Variants in GOLGA4 observed in about 807,000 individuals in gnomAD.
GOLGA4 encodes golgin subfamily A member 4.
Under a neutral mutation model 265.9 loss-of-function variants are expected in GOLGA4, and 169 were observed. That is an observed-to-expected ratio of 0.64 (90% CI 0.56 to 0.72). GOLGA4 has a LOEUF of 0.72. Among genes scored for constraint, GOLGA4 ranks in the 30% least tolerant of loss-of-function variants. GOLGA4 has a pLI of 0.00. For missense variants in GOLGA4, 2,482 were observed against 2,483.4 expected, an observed-to-expected ratio of 1.00 and a Z score of 0.01; for synonymous variants, 923 against 855.8, an observed-to-expected ratio of 1.08 and a Z score of -1.37.
At chr3:37,320,960 A>C (rs183049352) in intron 12 of GOLGA4, among the ~76,000 whole-genome samples, 2 of 152,214 alleles carry the variant, frequency 1.3e-5, no homozygotes, top group South Asian at 4.1e-4. Flanking sequence ...TACTCATAAC[A>C]TGGTACAAAA....
intron 10 of GOLGA4, among the ~76,000 whole-genome samples, chr3:37,312,610 C>T (rs1029582105): frequency 2.0e-5 from 3 of 150,952 alleles, no homozygotes; most frequent in African/African-American, 7.3e-5. Context: ...GAAGCCTTGA[C>T]CTCCCAGACT....
chr3:37,326,260 C>T lies in GOLGA4; in HGVS notation c.4374C>T (p.Asn1458=), dbSNP rs561876768. The change falls in exon 14 of 24, where the codon AAC becomes AAT. Residue 1458 remains asparagine, a synonymous_variant. Transcript: ENST00000361924. ...KAQSRFTQHQ[N]TVKELQIQLE... is the part of the protein sequence containing the mutation. Reference sequence around the variant, plus strand: ...AGTCAAGATTTACACAGCATCAAAACACTGTTAAAGAATTGCAGATCCAGC... The same window carrying T: ...AGTCAAGATTTACACAGCATCAAAATACTGTTAAAGAATTGCAGATCCAGC... 6.2e-7 allele frequency: 1 copy of T among 1,613,542 alleles called. No homozygotes were observed. The highest frequency in any genetic ancestry group is 1.3e-5 in the African/African-American group (1 of 75,022).
In GOLGA4 at chr3:37,289,510, A is replaced by G. The variant is rs1387353992; in HGVS notation, c.582+219A>G. Among the ~76,000 whole-genome samples the G allele has an allele frequency of 2.0e-5, 3 of 152,216 alleles. No homozygotes were observed. The East Asian group carries it at 5.8e-4, about 29-fold the overall frequency. On this transcript the variant is annotated intron_variant, in intron 5 of 23. Coordinates refer to ENST00000361924, the MANE Select transcript of GOLGA4 (RefSeq NM_002078.5). ...AATGAAATGAGGTGTTAGCAACAGAATATCAATTGTCTGCATGAACAGTCA... is the reference window on the plus strand; with the variant it reads ...AATGAAATGAGGTGTTAGCAACAGAGTATCAATTGTCTGCATGAACAGTCA...
At chr3:37,273,107 T>C (rs76188333) in intron 2 of GOLGA4, among the ~76,000 whole-genome samples, 1,576 of 152,340 alleles carry the variant, frequency 0.01, 69 homozygotes, top group East Asian at 0.09. Context: ...AAGATATTTT[T>C]CAGAGCTTAG....
chr3:37,348,697 A>G (rs1286783061), intron 21 of GOLGA4, among the ~76,000 whole-genome samples: 1 of 152,208 alleles, frequency 6.6e-6, no homozygotes, highest in Non-Finnish European at 1.5e-5. Context: ...TCATTAGTGA[A>G]TCTAAAGCTA....
chr3:37,354,898 A>T (rs1201788635), intron 21 of GOLGA4, among the ~76,000 whole-genome samples: 1 of 152,130 alleles, frequency 6.6e-6, no homozygotes, highest in South Asian at 2.1e-4. Flanking sequence ...TGTTAAAATA[A>T]TATGTGTAGA....
chr3:37,357,562 A>T (rs192701203), intron 22 of GOLGA4, among the ~76,000 whole-genome samples: 210 of 152,328 alleles, frequency 1.4e-3, no homozygotes, highest in Non-Finnish European at 1.5e-3. Context: ...GATGACATGA[A>T]TTAATCAATT....
intron 2 of GOLGA4, chr3:37,273,643 C>A: frequency 9.9e-7 from 1 of 1,008,460 alleles, no homozygotes; most frequent in Non-Finnish European, 1.5e-6. Context: ...CAAGTCATTT[C>A]AGAGTGTTGG....
chr3:37,294,126 G>C (rs936103036), intron 5 of GOLGA4, among the ~76,000 whole-genome samples: 13 of 152,134 alleles, frequency 8.5e-5, no homozygotes, highest in African/African-American at 2.7e-4. Flanking sequence ...TTTGCAGAGA[G>C]ACAAAAATCA....
At chr3:37,250,062 G>A (rs2096729750) in intron 1 of GOLGA4, 1 of 152,146 alleles carries the variant, frequency 6.6e-6, no homozygotes, top group South Asian at 2.1e-4. Flanking sequence ...AAGAAGATTG[G>A]GTTAGTAAGT....
intron 9 of GOLGA4, among the ~76,000 whole-genome samples, chr3:37,301,306 C>T (rs915157828): frequency 6.6e-6 from 1 of 151,972 alleles, no homozygotes; most frequent in Non-Finnish European, 1.5e-5. Context: ...ACAGAAGTAA[C>T]TAGCAAGTTG....
chr3:37,334,928 T>C (rs2097004754), intron 16 of GOLGA4, 125 bp from the exon 17 acceptor site: 1 of 585,686 alleles, frequency 1.7e-6, no homozygotes, highest in Non-Finnish European at 3.1e-6. Flanking sequence ...CTTAAATGTT[T>C]ATTTCCCTAC....
intron 2 of GOLGA4, among the ~76,000 whole-genome samples, chr3:37,275,542 G>A (rs932615568): frequency 6.6e-6 from 1 of 152,126 alleles, no homozygotes; most frequent in African/African-American, 2.4e-5. Flanking sequence ...CATTGGCCGC[G>A]GGCTTCGTTT....
chr3:37,325,990 G>T lies in GOLGA4; in HGVS notation c.4104G>T (p.Glu1368Asp). 1.2e-6 allele frequency: 2 copies of T among 1,612,972 alleles called. No homozygotes were observed. The highest frequency in any genetic ancestry group is 1.7e-6 in the Non-Finnish European group (2 of 1,179,322). ...MKEELKEKKV[E>D]ISSLSKQLTD... ...AAGAGCTTAAAGAAAAAAAAGTTGA[G>T]ATTAGCAGTCTTAGTAAACAACTAA... Residue 1368 changes from glutamate (E) to aspartate (D), a missense_variant, in exon 14 of 24, where the codon GAG becomes GAT. Physicochemically the swap from Glu to Asp is conservative, Grantham distance 45. This residue lies in a region of GOLGA4 where 942 missense variants were observed against 983.1 expected (regional missense o/e 0.96). Coordinates refer to ENST00000361924, the MANE Select transcript of GOLGA4 (RefSeq NM_002078.5).
intron 22 of GOLGA4, 52 bp from the exon 23 acceptor site, chr3:37,361,191 T>C (rs1438591870): frequency 2.0e-5 from 26 of 1,285,216 alleles, no homozygotes; most frequent in Non-Finnish European, 2.0e-5. Context: ...CTATGTGTTA[T>C]ATTAAGTCTT....
At chr3:37,363,667 A>G (rs144214816) in intron 23 of GOLGA4, among the ~76,000 whole-genome samples, 8 of 152,308 alleles carry the variant, frequency 5.3e-5, no homozygotes, top group Admixed American at 4.6e-4. Flanking sequence ...GAACAAGGAC[A>G]TTTTTCTACA....
intron 22 of GOLGA4, among the ~76,000 whole-genome samples, chr3:37,357,758 A>G (rs557996407): frequency 7.9e-5 from 12 of 152,242 alleles, no homozygotes; most frequent in Non-Finnish European, 1.8e-4. Flanking sequence ...CTAATTTCAT[A>G]TCCCTGTCCA....
intron 7 of GOLGA4, 44 bp from the exon 8 acceptor site, chr3:37,298,789 A>T: frequency 7.2e-7 from 1 of 1,379,502 alleles, no homozygotes; most frequent in Non-Finnish European, 1.0e-6. Context: ...AGGCAGTTTC[A>T]TATTCCTTAC....
intron 1 of GOLGA4, among the ~76,000 whole-genome samples, chr3:37,249,125 G>A (rs1214759370): frequency 4.6e-5 from 7 of 152,210 alleles, no homozygotes; most frequent in African/African-American, 1.4e-4. Flanking sequence ...AGCCTTTGAA[G>A]CTGGCACTGG....
Sources: allele counts gnomAD v4.1 joint callset (sites outside exome capture counted in the v4.1 genomes callset), GRCh38; gene constraint gnomAD v4.1.1; regional missense constraint gnomAD v4.1.1; transcripts MANE v1.5; gene names NCBI Gene and HGNC (gene_info 2026-07-23, HGNC 2026-07-21).